The following DPP6 variants were observed in gnomAD, a reference collection of about 807,000 sequenced individuals.
DPP6 encodes dipeptidyl peptidase like 6.
In DPP6, 69 loss-of-function variants were observed where a neutral mutation model predicts 122.6. The ratio of observed to expected loss-of-function variants is 0.56; its 90% CI spans 0.46 to 0.69. The LOEUF (loss-of-function observed/expected upper bound fraction) is 0.69. DPP6 is among the 30% of genes least tolerant of loss of function. DPP6 has a pLI of 0.00. For missense variants in DPP6, 928 were observed against 1,116.9 expected (o/e 0.83, Z 2.41); for synonymous variants, 418 against 433.1 (o/e 0.97, Z 0.43).
At chr7:154,090,671 T>G (rs1255674994) in intron 1 of DPP6, among the ~76,000 whole-genome samples, 1 of 150,790 alleles carries the variant, frequency 6.6e-6, no homozygotes, top group African/African-American at 2.4e-5. Flanking sequence ...AGCACAGAGG[T>G]TCAGTGGGTT....
At chr7:154,231,961 A>G (rs1009308304) in intron 1 of DPP6, among the ~76,000 whole-genome samples, 8 of 152,212 alleles carry the variant, frequency 5.3e-5, no homozygotes, top group African/African-American at 1.7e-4. Context: ...CTTCGCATCC[A>G]GAGGCTACAG....
intron 7 of DPP6, among the ~76,000 whole-genome samples, chr7:154,670,206 G>A (rs1475631937): frequency 1.3e-5 from 2 of 152,166 alleles, no homozygotes; most frequent in African/African-American, 4.8e-5. Flanking sequence ...CCCTGATGGA[G>A]CCAGGCCAGT....
chr7:154,751,000 C>T (rs1244339558), intron 8 of DPP6, among the ~76,000 whole-genome samples: 2 of 152,166 alleles, frequency 1.3e-5, no homozygotes, highest in Non-Finnish European at 2.9e-5. Flanking sequence ...ATCCCGGATC[C>T]ACCCTTTATC....
At position 153,962,635 on chromosome 7, in the gene DPP6, G is replaced by A. The variant is rs2531102; in HGVS notation, c.51+74901G>A. On this transcript the variant is annotated intron_variant, in intron 1 of 25. Coordinates refer to the DPP6 transcript ENST00000404039. ...TTCTAGATGAAGCCCACAGAGACCCGATGCTCAGGAAGTAAACCTGTCAAG... is the reference window on the plus strand; with the variant it reads ...TTCTAGATGAAGCCCACAGAGACCCAATGCTCAGGAAGTAAACCTGTCAAG... Among the ~76,000 whole-genome samples, 6 of 152,068 alleles carry A rather than the reference G, an allele frequency of 3.9e-5. No homozygotes were observed. In the East Asian group the frequency reaches 5.8e-4, roughly 15 times the overall value.
chr7:154,785,835 T>A (rs1797303228), intron 10 of DPP6, among the ~76,000 whole-genome samples: 1 of 152,270 alleles, frequency 6.6e-6, no homozygotes, highest in South Asian at 2.1e-4. Context: ...CAATTCTTTT[T>A]GTTTCACTTT....
At chr7:153,972,124 T>G (rs539284590) in intron 1 of DPP6, among the ~76,000 whole-genome samples, 43 of 151,300 alleles carry the variant, frequency 2.8e-4, no homozygotes, top group African/African-American at 9.0e-4. Context: ...ATCTGTAGGT[T>G]TACTATCACA....
At chr7:154,685,026 A>C (rs957945476) in intron 7 of DPP6, among the ~76,000 whole-genome samples, 4 of 152,248 alleles carry the variant, frequency 2.6e-5, no homozygotes, top group Non-Finnish European at 4.4e-5. Context: ...ATGGAAAAGC[A>C]AACGATCTAT....
intron 10 of DPP6, among the ~76,000 whole-genome samples, chr7:154,793,350 A>T (rs982045358): frequency 6.6e-6 from 1 of 152,070 alleles, no homozygotes; most frequent in African/African-American, 2.4e-5. Flanking sequence ...TATTTTTTTA[A>T]TCTGGTTTTT....
At chr7:153,815,824 C>T in the DPP6 span, among the ~76,000 whole-genome samples, 2 of 152,112 alleles carry the variant, frequency 1.3e-5, no homozygotes, top group Non-Finnish European at 2.9e-5. Flanking sequence ...CACAAATTGG[C>T]ATTCTAAATT....
the DPP6 span, among the ~76,000 whole-genome samples, chr7:153,815,222 C>A: frequency 6.6e-6 from 1 of 152,150 alleles, no homozygotes; most frequent in Non-Finnish European, 1.5e-5. Context: ...ATTGTTTCAG[C>A]CCAAAATCTC....
At chr7:154,824,086 A>T (rs1426956365) in intron 16 of DPP6, among the ~76,000 whole-genome samples, 2 of 152,220 alleles carry the variant, frequency 1.3e-5, no homozygotes, top group African/African-American at 4.8e-5. Flanking sequence ...GCTATTGGTG[A>T]AAAGTCTGTT....
At chr7:154,269,615 A>G (rs1475382960) in intron 1 of DPP6, among the ~76,000 whole-genome samples, 1 of 152,210 alleles carries the variant, frequency 6.6e-6, no homozygotes, top group African/African-American at 2.4e-5. Flanking sequence ...CCTCCTGATC[A>G]TGGACAAGTT....
At chr7:154,576,421 G>T (rs936528775) in intron 5 of DPP6, among the ~76,000 whole-genome samples, 3 of 152,092 alleles carry the variant, frequency 2.0e-5, no homozygotes, top group Admixed American at 1.3e-4. Context: ...AACTCATGGT[G>T]CCTTCTCCCC....
At chr7:154,056,573 T>C (rs1474758798) in intron 1 of DPP6, among the ~76,000 whole-genome samples, 1 of 152,184 alleles carries the variant, frequency 6.6e-6, no homozygotes, top group East Asian at 1.9e-4. Flanking sequence ...TATCCTTCAT[T>C]TTCAGTGACA....
chr7:154,211,673 T>A (rs779621721), intron 1 of DPP6, among the ~76,000 whole-genome samples: 1 of 152,160 alleles, frequency 6.6e-6, no homozygotes, highest in Non-Finnish European at 1.5e-5. Flanking sequence ...TCCACCTCCA[T>A]ACACACAAGG....
chr7:154,793,826 A>C, intron 10 of DPP6: 1 of 432,026 alleles, frequency 2.3e-6, no homozygotes, highest in Non-Finnish European at 4.0e-6. Flanking sequence ...CAGGGCAGCC[A>C]CACGCAGTGA....
At chr7:153,962,517 C>T (rs1052950081) in intron 1 of DPP6, among the ~76,000 whole-genome samples, 2 of 152,188 alleles carry the variant, frequency 1.3e-5, no homozygotes, top group Non-Finnish European at 2.9e-5. Context: ...TTGTCTACTC[C>T]TTGGTGTCAC....
At chr7:153,956,234 C>A (rs1802456585) in intron 1 of DPP6, among the ~76,000 whole-genome samples, 1 of 152,080 alleles carries the variant, frequency 6.6e-6, no homozygotes, top group Admixed American at 6.6e-5. Flanking sequence ...GCTGCTCAGA[C>A]CCCACCTGCA....
intron 1 of DPP6, among the ~76,000 whole-genome samples, chr7:154,402,018 C>T (rs1815656763): frequency 6.6e-6 from 1 of 152,126 alleles, no homozygotes; most frequent in African/African-American, 2.4e-5. Flanking sequence ...CACTGGCCAT[C>T]AGAGAAATGC....
Sources: allele counts gnomAD v4.1 joint callset (sites outside exome capture counted in the v4.1 genomes callset), GRCh38; gene constraint gnomAD v4.1.1; transcripts MANE v1.5; gene names NCBI Gene and HGNC (gene_info 2026-07-23, HGNC 2026-07-21).